PAK1: variants seen among roughly 807,000 people sequenced by gnomAD.
The protein encoded by PAK1 is p21 (RAC1) activated kinase 1.
Under a neutral mutation model 67.4 loss-of-function variants are expected in PAK1, and 29 were observed. The observed-to-expected ratio is 0.43, with a 90% CI of 0.32 to 0.59. PAK1 has a LOEUF of 0.59. Among genes scored for constraint, PAK1 ranks in the 20% least tolerant of loss-of-function variants. PAK1 has a pLI of 0.07. For synonymous variants in PAK1, 223 were observed against 237.4 expected (o/e 0.94, Z 0.56); for missense variants, 337 against 670.7 (o/e 0.50, Z 5.50).
At chr11:77,462,686 G>C (rs1361879008) in intron 1 of PAK1, among the ~76,000 whole-genome samples, 1 of 151,904 alleles carries the variant, frequency 6.6e-6, no homozygotes, top group Non-Finnish European at 1.5e-5. Context: ...ACCAAAATTA[G>C]CCAGGCATGG....
intron 14 of PAK1, among the ~76,000 whole-genome samples, chr11:77,327,738 A>C (rs1429787970): frequency 4.6e-5 from 7 of 152,216 alleles, no homozygotes; most frequent in African/African-American, 1.7e-4. Context: ...AACGAGCAAA[A>C]TAACCAGCTA....
At chr11:77,344,362 G>C (rs1190132529) in intron 9 of PAK1, among the ~76,000 whole-genome samples, 1 of 152,204 alleles carries the variant, frequency 6.6e-6, no homozygotes, top group African/African-American at 2.4e-5. Context: ...TTTCAATCTG[G>C]CTAGGTATAG....
intron 5 of PAK1, among the ~76,000 whole-genome samples, chr11:77,359,786 T>C (rs1335130381): frequency 2.6e-5 from 4 of 152,140 alleles, no homozygotes; most frequent in Non-Finnish European, 4.4e-5. Context: ...TAGCATACCA[T>C]TACTGTTTAT....
chr11:77,466,185 T>C (rs982647509), intron 1 of PAK1, among the ~76,000 whole-genome samples: 6 of 152,146 alleles, frequency 3.9e-5, no homozygotes, highest in African/African-American at 1.4e-4. Context: ...AGGTTAAGAA[T>C]CACTGTCGAA....
intron 5 of PAK1, among the ~76,000 whole-genome samples, chr11:77,371,743 A>G (rs774053375): frequency 6.6e-6 from 1 of 152,212 alleles, no homozygotes; most frequent in Non-Finnish European, 1.5e-5. Context: ...GTGCTGGACA[A>G]ATGTTCTGAA....
At chr11:77,379,410 C>A in intron 3 of PAK1, 22 bp from the exon 4 acceptor site, 1 of 1,604,352 alleles carries the variant, frequency 6.2e-7, no homozygotes, top group Non-Finnish European at 8.5e-7. Flanking sequence ...ACATGCAAGA[C>A]TAACAGGAAG....
At chr11:77,399,660 C>A (rs540683732) in intron 1 of PAK1, among the ~76,000 whole-genome samples, 1 of 151,522 alleles carries the variant, frequency 6.6e-6, no homozygotes, top group East Asian at 1.9e-4. Flanking sequence ...GAGATCGAGA[C>A]CATCCCGGCT....
At chr11:77,450,689 T>C (rs1304373181) in intron 1 of PAK1, among the ~76,000 whole-genome samples, 2 of 152,178 alleles carry the variant, frequency 1.3e-5, no homozygotes, top group Non-Finnish European at 2.9e-5. Context: ...AGCAGAGGAC[T>C]TAGACATGGT....
rs774578366 is a variant in PAK1 at position 77,353,511 on chromosome 11, A to G, written c.836+25T>C. ...ACACACACTTTAAAGTCATTTCTCC[A>G]GGGAAAGAAAATGCCCCTACTAACC... On this transcript the variant is annotated intron_variant, in intron 8 of 14. Transcript: ENST00000356341. 7 of 1,552,006 alleles carry G rather than the reference A, an allele frequency of 4.5e-6. No individual in the cohort carries two copies. In the South Asian group the frequency reaches 5.6e-5, roughly 12 times the overall value.
At chr11:77,508,580 C>T in the PAK1 span, among the ~76,000 whole-genome samples, 1 of 151,882 alleles carries the variant, frequency 6.6e-6, no homozygotes, top group Non-Finnish European at 1.5e-5. Flanking sequence ...TAAGAATTTG[C>T]TCGTGGTCTC....
intron 1 of PAK1, among the ~76,000 whole-genome samples, chr11:77,402,269 G>C (rs1351878723): frequency 6.6e-6 from 1 of 152,184 alleles, no homozygotes; most frequent in Non-Finnish European, 1.5e-5. Flanking sequence ...GCAAAGTGAA[G>C]TGGAAACGGC....
the PAK1 span, among the ~76,000 whole-genome samples, chr11:77,505,256 C>G: frequency 6.6e-6 from 1 of 151,638 alleles, no homozygotes; most frequent in African/African-American, 2.4e-5. Flanking sequence ...GGTGCAATCT[C>G]AGCTCACTGC....
chr11:77,430,548 A>G (rs1000621346), intron 1 of PAK1, among the ~76,000 whole-genome samples: 2 of 152,210 alleles, frequency 1.3e-5, no homozygotes, highest in African/African-American at 2.4e-5. Context: ...AAATGGACCA[A>G]TGTGACCCAC....
chr11:77,349,309 A>G (rs754605835), intron 8 of PAK1, 22 bp from the exon 9 acceptor site: 20 of 1,580,608 alleles, frequency 1.3e-5, no homozygotes, highest in Non-Finnish European at 1.7e-5. Flanking sequence ...GGTGGCGGAG[A>G]AAGAGGGAAA....
intron 1 of PAK1, among the ~76,000 whole-genome samples, chr11:77,460,311 GTTTT>G (rs1167582325): frequency 7.0e-6 from 1 of 142,410 alleles, no homozygotes; most frequent in African/African-American, 2.6e-5. Context: ...TGGCTATAAG[GTTTT>G]TTGTTTGCTT....
chr11:77,382,594 C>G (rs1481961683), intron 2 of PAK1, among the ~76,000 whole-genome samples: 1 of 152,150 alleles, frequency 6.6e-6, no homozygotes, highest in Non-Finnish European at 1.5e-5. Context: ...GTTTAAAAAT[C>G]CAAAATGTAA....
intron 5 of PAK1, among the ~76,000 whole-genome samples, chr11:77,373,563 A>T (rs1017017705): frequency 1.3e-4 from 9 of 70,270 alleles, no homozygotes; most frequent in South Asian, 6.5e-4. Flanking sequence ...TCGTCTCTTT[A>T]AAAAAAAAAA....
chr11:77,505,331 G>T, the PAK1 span, among the ~76,000 whole-genome samples: 1 of 152,096 alleles, frequency 6.6e-6, no homozygotes. Context: ...GGGATTACAG[G>T]TCCCTGCCAT....
intron 1 of PAK1, among the ~76,000 whole-genome samples, chr11:77,449,228 A>AATTCAATT (rs908726981): frequency 6.6e-6 from 1 of 152,212 alleles, no homozygotes; most frequent in Non-Finnish European, 1.5e-5. Context: ...GAGGCCTTAC[A>AATTCAATT]CAATTCAATT....
Sources: gnomAD v4.1 joint callset for allele counts (sites outside exome capture counted in the v4.1 genomes callset) on GRCh38, gnomAD v4.1.1 for gene constraint, MANE v1.5 for transcripts, NCBI Gene and HGNC (gene_info 2026-07-23, HGNC 2026-07-21) for gene names.